Variants in LNX1 observed in about 807,000 individuals in gnomAD.
LNX1 encodes E3 ubiquitin-protein ligase LNX.
Under a neutral mutation model 68.4 loss-of-function variants are expected in LNX1, and 54 were observed. That is an observed-to-expected ratio of 0.79 (90% CI 0.63 to 0.99). LNX1 has a LOEUF of 0.99. LNX1 is among the 50% of genes least tolerant of loss of function. The pLI, the probability that LNX1 is intolerant of heterozygous loss-of-function variation, is 0.00. For missense variants in LNX1, 906 were observed against 926.4 expected, an observed-to-expected ratio of 0.98 and a Z score of 0.29; for synonymous variants, 336 against 350.0, an observed-to-expected ratio of 0.96 and a Z score of 0.45.
intron 1 of LNX1, among the ~76,000 whole-genome samples, chr4:53,577,468 C>T (rs374169191): frequency 1.3e-4 from 20 of 152,140 alleles, no homozygotes; most frequent in African/African-American, 3.9e-4. Flanking sequence ...ACCAGATTTT[C>T]GTTTTTCAAA....
intron 2 of LNX1, among the ~76,000 whole-genome samples, chr4:53,508,624 T>C (rs561418086): frequency 6.6e-6 from 1 of 152,348 alleles, no homozygotes; most frequent in Non-Finnish European, 1.5e-5. Flanking sequence ...CACTCTTCTT[T>C]TGGATTTTGT....
intron 2 of LNX1, chr4:53,558,260 T>C: frequency 8.3e-7 from 1 of 1,201,304 alleles, no homozygotes. Flanking sequence ...CAGCCCCTCC[T>C]GCAGGATGCG....
chr4:53,580,011 C>T (rs191871898), intron 1 of LNX1, among the ~76,000 whole-genome samples: 79 of 152,210 alleles, frequency 5.2e-4, no homozygotes, highest in Non-Finnish European at 8.1e-4. Context: ...AGTCACATGG[C>T]GGTGTGTCCT....
At chr4:53,494,302 G>A (rs1249737881) in intron 6 of LNX1, among the ~76,000 whole-genome samples, 1 of 152,186 alleles carries the variant, frequency 6.6e-6, no homozygotes, top group Non-Finnish European at 1.5e-5. Context: ...CTTCTGCCAT[G>A]ATTGTGAGGC....
At chr4:53,634,844 A>AT (rs943995778) in intron 1 of LNX1, among the ~76,000 whole-genome samples, 1 of 149,558 alleles carries the variant, frequency 6.7e-6, no homozygotes, top group African/African-American at 2.5e-5. Context: ...TATTATTATT[A>AT]TTTTTTTAAG....
Position 53,573,610 on chromosome 4 carries a change from A to T in LNX1, c.380+13T>A. On this transcript the variant is annotated intron_variant, in intron 2 of 10. Transcript: ENST00000263925. ...GGGGGTGGGACTTACCGGCTCGCTGATGGGGGACCTACCTGGTTTGAAAGT... is the reference window on the plus strand; with the variant it reads ...GGGGGTGGGACTTACCGGCTCGCTGTTGGGGGACCTACCTGGTTTGAAAGT... 1.9e-6 allele frequency: 3 copies of T among 1,589,390 alleles called. No individual in the cohort carries two copies. The highest frequency in any genetic ancestry group is 2.6e-6 in the Non-Finnish European group (3 of 1,167,106).
At chr4:53,467,626 C>T (rs1722785691) in intron 9 of LNX1, among the ~76,000 whole-genome samples, 1 of 152,086 alleles carries the variant, frequency 6.6e-6, no homozygotes, top group East Asian at 1.9e-4. Flanking sequence ...CTACAATAGC[C>T]AATGCAGAGA....
chr4:53,481,045 A>G (rs1380202297), intron 7 of LNX1, among the ~76,000 whole-genome samples: 1 of 152,228 alleles, frequency 6.6e-6, no homozygotes, highest in Non-Finnish European at 1.5e-5. Flanking sequence ...ATCCAAATGA[A>G]GAGGTTAAGG....
rs1014056 is a variant in LNX1 at position 53,459,823 on chromosome 4, T to A, written c.*1084A>T. 4 of 265,886 alleles carry A rather than the reference T, an allele frequency of 1.5e-5. No individual in the cohort carries two copies. Among genetic ancestry groups the A allele is most frequent in the African/African-American group, 6.6e-5 (3 of 45,322 alleles). The allele number at this position is 265,886 out of a possible 1,614,324, so 16.5% of individuals were successfully genotyped here. ...AACACCACTCTCTTAAGAGGCTGCA[T>A]CACAAAAGGCAACAAAGGGCCCCTC... On this transcript the variant is annotated 3_prime_UTR_variant, in exon 11 of 11. Coordinates refer to ENST00000263925, the MANE Select transcript of LNX1 (RefSeq NM_001126328.3).
chr4:53,576,193 G>A (rs988478628), intron 1 of LNX1: 100 of 1,585,076 alleles, frequency 6.3e-5, no homozygotes, highest in Admixed American at 2.2e-4. Flanking sequence ...GTGGGTGGAT[G>A]TGACAATCTC....
At chr4:53,609,835 G>A (rs1733407626) in intron 2 of LNX1, among the ~76,000 whole-genome samples, 1 of 144,396 alleles carries the variant, frequency 6.9e-6, no homozygotes. Context: ...TCTACATAAT[G>A]CTATATAAAT....
At chr4:53,481,320 G>A (rs569891312) in intron 7 of LNX1, among the ~76,000 whole-genome samples, 38 of 152,166 alleles carry the variant, frequency 2.5e-4, no homozygotes, top group Admixed American at 7.9e-4. Flanking sequence ...TAAAAGTAGC[G>A]GGGAAATCAC....
At chr4:53,542,133 G>T (rs1404603103) in intron 2 of LNX1, among the ~76,000 whole-genome samples, 1 of 152,190 alleles carries the variant, frequency 6.6e-6, no homozygotes, top group East Asian at 1.9e-4. Context: ...AGAGAAAACA[G>T]AAGGAAAGGG....
rs544431165 is a variant in LNX1, at chr4:53,514,873, G to A, written c.381-6646C>T. 3.0e-4 allele frequency among the ~76,000 whole-genome samples: 45 copies of A among 152,230 alleles called. No individual in the cohort carries two copies. In the South Asian group the frequency reaches 8.5e-3, roughly 29 times the overall value. On this transcript the variant is annotated intron_variant, in intron 2 of 10. Coordinates refer to ENST00000263925, the MANE Select transcript of LNX1 (RefSeq NM_001126328.3). ...GGAACTATATGTTTAATGAGTTTTG[G>A]GTTATTGACCTCAAGAGAACATTTA...
At chr4:53,637,458 C>T (rs1300497866) in intron 1 of LNX1, among the ~76,000 whole-genome samples, 1 of 152,028 alleles carries the variant, frequency 6.6e-6, no homozygotes, top group East Asian at 1.9e-4. Flanking sequence ...TAAGAAAATA[C>T]AGTCATGATA....
At chr4:53,516,987 A>C (rs1484991902) in intron 2 of LNX1, among the ~76,000 whole-genome samples, 4 of 152,176 alleles carry the variant, frequency 2.6e-5, no homozygotes, top group Non-Finnish European at 5.9e-5. Flanking sequence ...CACTCTTTGG[A>C]AATTATATTG....
At chr4:53,546,569 G>T (rs1729134194) in intron 2 of LNX1, among the ~76,000 whole-genome samples, 1 of 152,150 alleles carries the variant, frequency 6.6e-6, no homozygotes, top group African/African-American at 2.4e-5. Flanking sequence ...CTTGTTACTG[G>T]CAGGGCTGAG....
At chr4:53,532,813 C>T (rs921382432) in intron 2 of LNX1, among the ~76,000 whole-genome samples, 1 of 152,202 alleles carries the variant, frequency 6.6e-6, no homozygotes, top group African/African-American at 2.4e-5. Flanking sequence ...TAAAGGCTGC[C>T]TCACCTGAGG....
At chr4:53,489,250 T>C (rs1724524538) in intron 6 of LNX1, among the ~76,000 whole-genome samples, 2 of 152,174 alleles carry the variant, frequency 1.3e-5, no homozygotes, top group African/African-American at 4.8e-5. Context: ...AAATAGGATC[T>C]TAAGATTTGA....
Sources: gnomAD v4.1 joint callset for allele counts (sites outside exome capture counted in the v4.1 genomes callset) on GRCh38, gnomAD v4.1.1 for gene constraint, MANE v1.5 for transcripts, NCBI Gene and HGNC (gene_info 2026-07-23, HGNC 2026-07-21) for gene names.